The following EVI5 variants were observed in gnomAD, a reference collection of about 807,000 sequenced individuals.
The protein encoded by EVI5 is ecotropic viral integration site 5 protein homolog.
EVI5 carries 73 observed loss-of-function variants against 112.0 expected under a neutral mutation model. The ratio of observed to expected loss-of-function variants is 0.65; its 90% CI spans 0.54 to 0.79. EVI5 has a LOEUF of 0.79. Ranked by LOEUF, EVI5 falls within the 30% of genes least tolerant of loss-of-function variation. EVI5 has a pLI of 0.00. For missense variants in EVI5, 900 were observed against 968.8 expected, an observed-to-expected ratio of 0.93 and a Z score of 0.94; for synonymous variants, 305 against 319.9, an observed-to-expected ratio of 0.95 and a Z score of 0.50.
At chr1:92,710,824 T>C (rs1248512197) in intron 2 of EVI5, among the ~76,000 whole-genome samples, 2 of 152,126 alleles carry the variant, frequency 1.3e-5, no homozygotes, top group Non-Finnish European at 2.9e-5. Context: ...GAGTGGTTGC[T>C]TCTGGAAGTT....
At chr1:92,530,562 C>T (rs1256896096) in intron 19 of EVI5, among the ~76,000 whole-genome samples, 2 of 151,926 alleles carry the variant, frequency 1.3e-5, no homozygotes, top group Admixed American at 1.3e-4. Context: ...TGGCAGGTGC[C>T]CCTCTGGGAC....
At chr1:92,547,678 C>T (rs1257225331) in intron 19 of EVI5, among the ~76,000 whole-genome samples, 2 of 152,114 alleles carry the variant, frequency 1.3e-5, no homozygotes, top group Non-Finnish European at 2.9e-5. Flanking sequence ...ACCACCGATC[C>T]CACATACATA....
At chr1:92,753,790 A>T (rs1159980232) in intron 1 of EVI5, among the ~76,000 whole-genome samples, 1 of 152,204 alleles carries the variant, frequency 6.6e-6, no homozygotes. Flanking sequence ...AATCCTCTGT[A>T]GTAATACTGT....
At chr1:92,763,410 T>C (rs1363622607) in intron 1 of EVI5, among the ~76,000 whole-genome samples, 1 of 151,372 alleles carries the variant, frequency 6.6e-6, no homozygotes, top group African/African-American at 2.4e-5. Flanking sequence ...AAAATTAACA[T>C]TTTGAGGCAG....
intron 13 of EVI5, among the ~76,000 whole-genome samples, chr1:92,651,315 G>A (rs1486340322): frequency 2.6e-5 from 4 of 152,258 alleles, no homozygotes; most frequent in Admixed American, 1.3e-4. Context: ...GAAATTAGTT[G>A]TTATCTTTCC....
At chr1:92,514,113 C>T in intron 19 of EVI5, 143 bp from the exon 20 acceptor site, 1 of 434,334 alleles carries the variant, frequency 2.3e-6, no homozygotes, top group South Asian at 4.6e-5. Flanking sequence ...TTTTTGAGTG[C>T]CTTCTATGTG....
intron 2 of EVI5, among the ~76,000 whole-genome samples, chr1:92,722,010 C>T (rs1674828871): frequency 6.7e-6 from 1 of 150,200 alleles, no homozygotes; most frequent in Non-Finnish European, 1.5e-5. Context: ...AAGTGCTTTA[C>T]TTTGTCAGTC....
intron 16 of EVI5, among the ~76,000 whole-genome samples, chr1:92,623,611 G>T (rs1359690052): frequency 6.6e-6 from 1 of 152,198 alleles, no homozygotes; most frequent in Non-Finnish European, 1.5e-5. Flanking sequence ...ACTGCCCAGG[G>T]TCACCACATT....
chr1:92,546,344 C>T (rs1665696110), intron 19 of EVI5, among the ~76,000 whole-genome samples: 1 of 152,086 alleles, frequency 6.6e-6, no homozygotes, highest in Non-Finnish European at 1.5e-5. Context: ...TTCTCAATCA[C>T]CTGTAGTATG....
chr1:92,625,772 C>T, intron 15 of EVI5, 22 bp downstream of exon 15: 1 of 1,601,992 alleles, frequency 6.2e-7, no homozygotes, highest in Non-Finnish European at 8.5e-7. Flanking sequence ...TTTAAAAAAG[C>T]ACACAAAATA....
intron 2 of EVI5, among the ~76,000 whole-genome samples, chr1:92,720,390 C>T (rs1474513732): frequency 6.6e-6 from 1 of 151,876 alleles, no homozygotes; most frequent in Non-Finnish European, 1.5e-5. Flanking sequence ...CAACCATCTG[C>T]TCTTTGACAA....
At chr1:92,590,336 G>A (rs1416311682) in intron 18 of EVI5, among the ~76,000 whole-genome samples, 3 of 152,108 alleles carry the variant, frequency 2.0e-5, no homozygotes, top group East Asian at 1.9e-4. Flanking sequence ...GAGGAAGTTC[G>A]AACCCATGGC....
At chr1:92,590,794 T>A (rs1673706126) in intron 18 of EVI5, among the ~76,000 whole-genome samples, 2 of 151,922 alleles carry the variant, frequency 1.3e-5, no homozygotes, top group East Asian at 3.9e-4. Context: ...GAAGAGCAAC[T>A]CCAAGACACG....
In EVI5 at chr1:92,705,364, T is replaced by C. The variant is rs535965608; in HGVS notation, c.150-620A>G. ...ACTTTATTTATAATTCTAGATTCTC[T>C]TGAAAAATAAAAAGATAAGGCAAAA... is the stretch of plus-strand genomic sequence containing the variant. On this transcript the variant is annotated intron_variant, in intron 2 of 19. Coordinates refer to ENST00000684568, the MANE Select transcript of EVI5 (RefSeq NM_001350197.2). 2.8e-3 allele frequency among the ~76,000 whole-genome samples: 423 copies of C among 152,328 alleles called. 1 individual carries two copies. Among genetic ancestry groups the C allele is most frequent in the African/African-American group, 8.9e-3 (371 of 41,570 alleles).
intron 18 of EVI5, among the ~76,000 whole-genome samples, chr1:92,591,125 G>T (rs906461544): frequency 6.6e-6 from 1 of 152,190 alleles, no homozygotes; most frequent in Non-Finnish European, 1.5e-5. Flanking sequence ...ACTAAACATG[G>T]AAAGGAACAA....
At chr1:92,705,703 A>G (rs573210316) in intron 2 of EVI5, among the ~76,000 whole-genome samples, 1 of 152,338 alleles carries the variant, frequency 6.6e-6, no homozygotes, top group East Asian at 1.9e-4. Context: ...TTTATTTATA[A>G]AAGGAAGGTG....
In EVI5 at chr1:92,583,609, G is replaced by C. The variant is rs538192583; in HGVS notation, c.2071-19872C>G. Among the ~76,000 whole-genome samples, 2 of 147,712 alleles carry C rather than the reference G, an allele frequency of 1.4e-5. 1 individual carries two copies. Among genetic ancestry groups the C allele is most frequent in the South Asian group, 4.3e-4 (2 of 4,672 alleles). On this transcript the variant is annotated intron_variant, in intron 18 of 19. Coordinates refer to ENST00000684568, the MANE Select transcript of EVI5 (RefSeq NM_001350197.2). ...AATCTAAAATAGAAGGAAAAAATCA[G>C]AATAGGAATAAAATTTTTAAAAAGA...
intron 18 of EVI5, among the ~76,000 whole-genome samples, chr1:92,572,853 T>C (rs1263084071): frequency 6.6e-6 from 1 of 152,072 alleles, no homozygotes; most frequent in East Asian, 1.9e-4. Context: ...CTGTTAGCCA[T>C]TTTAATATAA....
chr1:92,735,387 GATGTTC>G (rs1462935388), intron 2 of EVI5, among the ~76,000 whole-genome samples: 2 of 151,924 alleles, frequency 1.3e-5, no homozygotes, highest in African/African-American at 4.8e-5. Flanking sequence ...GGATAATGGA[GATGTTC>G]ATTTTCTTGA....
Sources: gnomAD v4.1 joint callset for allele counts (sites outside exome capture counted in the v4.1 genomes callset) on GRCh38, gnomAD v4.1.1 for gene constraint, MANE v1.5 for transcripts, NCBI Gene and HGNC (gene_info 2026-07-23, HGNC 2026-07-21) for gene names.